CCSER1: variants seen among roughly 807,000 people sequenced by gnomAD.
CCSER1 encodes the protein coiled-coil serine rich protein 1.
A neutral mutation model predicts 82.0 loss-of-function variants in CCSER1; 41 were observed. The ratio of observed to expected loss-of-function variants is 0.50; its 90% CI spans 0.39 to 0.65. The LOEUF is 0.65. Ranked by LOEUF, CCSER1 falls within the 30% of genes least tolerant of loss-of-function variation. CCSER1 has a pLI of 0.00. For synonymous variants in CCSER1, 414 were observed against 383.9 expected, an observed-to-expected ratio of 1.08 and a Z score of -0.92; for missense variants, 1,119 against 1,064.2, an observed-to-expected ratio of 1.05 and a Z score of -0.72.
intron 3 of CCSER1, among the ~76,000 whole-genome samples, chr4:90,371,535 A>G (rs1747411768): frequency 7.5e-6 from 1 of 133,810 alleles, no homozygotes; most frequent in African/African-American, 3.0e-5. Context: ...TAAGACTAGT[A>G]ATAAGCCAAA....
intron 7 of CCSER1, among the ~76,000 whole-genome samples, chr4:90,742,745 C>G (rs1746750242): frequency 6.6e-6 from 1 of 152,134 alleles, no homozygotes; most frequent in Admixed American, 6.5e-5. Flanking sequence ...TTGGAAATGA[C>G]TGTTTTCCTT....
intron 10 of CCSER1, among the ~76,000 whole-genome samples, chr4:91,424,892 G>A (rs1753885094): frequency 6.6e-6 from 1 of 151,962 alleles, no homozygotes. Context: ...TTATATGTGT[G>A]GTTGTGATTA....
At chr4:90,605,052 C>T (rs1344546745) in intron 5 of CCSER1, among the ~76,000 whole-genome samples, 1 of 152,168 alleles carries the variant, frequency 6.6e-6, no homozygotes, top group East Asian at 1.9e-4. Flanking sequence ...GTAAATGTTG[C>T]TGCTGCTGAC....
At chr4:90,460,324 C>CAAAAAAAAAAAAAA (rs751331396) in intron 4 of CCSER1, among the ~76,000 whole-genome samples, 3 of 32,646 alleles carry the variant, frequency 9.2e-5, no homozygotes, top group African/African-American at 1.5e-4. Context: ...AACTCCGTCT[C>CAAAAAAAAAAAAAA]AAAAAAAAAA....
intron 7 of CCSER1, among the ~76,000 whole-genome samples, chr4:90,777,916 A>G (rs1753155673): frequency 2.0e-5 from 3 of 152,200 alleles, no homozygotes; most frequent in Non-Finnish European, 4.4e-5. Context: ...ACTCAGGGCA[A>G]TTTTAAGGGC....
intron 5 of CCSER1, among the ~76,000 whole-genome samples, chr4:90,610,181 A>T (rs1785264361): frequency 6.6e-6 from 1 of 152,034 alleles, no homozygotes; most frequent in Admixed American, 6.6e-5. Context: ...TGAACCCAGG[A>T]GGCGGAGCTT....
chr4:90,498,499 A>T (rs953867031), intron 5 of CCSER1, among the ~76,000 whole-genome samples: 1 of 152,174 alleles, frequency 6.6e-6, no homozygotes, highest in Non-Finnish European at 1.5e-5. Context: ...CATTTTGATA[A>T]AGTTTAAGTT....
chr4:90,880,187 C>A (rs1721084456), intron 8 of CCSER1, among the ~76,000 whole-genome samples: 2 of 152,126 alleles, frequency 1.3e-5, no homozygotes, highest in Admixed American at 1.3e-4. Flanking sequence ...GGTGGCTTGG[C>A]ACTCCTGGGC....
intron 10 of CCSER1, among the ~76,000 whole-genome samples, chr4:91,379,229 C>G (rs1177730898): frequency 1.3e-5 from 2 of 152,082 alleles, no homozygotes; most frequent in Non-Finnish European, 2.9e-5. Flanking sequence ...TGTTGTGTCT[C>G]TGTCAGGCTT....
At chr4:90,151,766 A>ATTTAT (rs1403706099) in intron 1 of CCSER1, among the ~76,000 whole-genome samples, 1 of 152,152 alleles carries the variant, frequency 6.6e-6, no homozygotes, top group Non-Finnish European at 1.5e-5. Flanking sequence ...GTTATTTAGT[A>ATTTAT]TTAAACAATT....
intron 7 of CCSER1, among the ~76,000 whole-genome samples, chr4:90,814,470 T>G (rs543324714): frequency 6.6e-6 from 1 of 152,236 alleles, no homozygotes; most frequent in East Asian, 1.9e-4. Context: ...AGAAAATGGG[T>G]TTTTCTTTTC....
chr4:91,442,446 C>T (rs1755238354), intron 10 of CCSER1, among the ~76,000 whole-genome samples: 1 of 142,126 alleles, frequency 7.0e-6, no homozygotes, highest in Non-Finnish European at 1.5e-5. Context: ...TGGATGCCTT[C>T]CTTACACCTT....
At position 90,324,271 on chromosome 4, in the gene CCSER1, C is replaced by T. The variant is rs537513968; in HGVS notation, c.1509+11224C>T. ...CTGACTTCCACAATGGTTGAACTAG[C>T]TTACAGTCCCACCAACAGTGTCAAA... On this transcript the variant is annotated intron_variant, in intron 3 of 10. Coordinates refer to ENST00000509176, the MANE Select transcript of CCSER1 (RefSeq NM_001145065.2). 4.5e-4 allele frequency among the ~76,000 whole-genome samples: 68 copies of T among 152,134 alleles called. 1 individual carries two copies. The highest frequency in any genetic ancestry group is 1.2e-3 in the African/African-American group (48 of 41,488).
chr4:90,883,782 A>G (rs1171507051), intron 8 of CCSER1, among the ~76,000 whole-genome samples: 1 of 152,162 alleles, frequency 6.6e-6, no homozygotes, highest in Non-Finnish European at 1.5e-5. Context: ...CAGATGGAAT[A>G]TATCTGAAGG....
chr4:90,247,416 A>G (rs1454676150), intron 1 of CCSER1, among the ~76,000 whole-genome samples: 2 of 152,198 alleles, frequency 1.3e-5, no homozygotes, highest in Non-Finnish European at 2.9e-5. Context: ...GATAGAAAAT[A>G]TAACAAGAAA....
chr4:90,160,460 A>T (rs1560717321), intron 1 of CCSER1, among the ~76,000 whole-genome samples: 1 of 152,206 alleles, frequency 6.6e-6, no homozygotes, highest in Non-Finnish European at 1.5e-5. Context: ...AGGAGATTTC[A>T]GTGACAAAGA....
rs568671371 is a variant in CCSER1 at position 90,288,916 on chromosome 4, G to A, written c.-41-19328G>A. Among the ~76,000 whole-genome samples the A allele has an allele frequency of 2.6e-5, 4 of 152,004 alleles. No individual in the cohort carries two copies. The South Asian group carries it at 8.3e-4, about 32-fold the overall frequency. On this transcript the variant is annotated intron_variant, in intron 1 of 10. Transcript: ENST00000509176. ...TAAAAACCTCTAGTGTATCAACCAA[G>A]GGATAAATTACTCAGGGAGTCTTTT...
intron 5 of CCSER1, among the ~76,000 whole-genome samples, chr4:90,492,414 CT>C (rs1768191848): frequency 6.6e-6 from 1 of 152,068 alleles, no homozygotes; most frequent in African/African-American, 2.4e-5. Context: ...CTCTTTTCTT[CT>C]TTATTAGTCT....
intron 10 of CCSER1, among the ~76,000 whole-genome samples, chr4:91,324,296 G>A (rs1275693438): frequency 6.6e-6 from 1 of 151,910 alleles, no homozygotes; most frequent in African/African-American, 2.4e-5. Flanking sequence ...TCAGTCTTTC[G>A]GGTCTATTTT....
Sources: allele counts gnomAD v4.1 joint callset (sites outside exome capture counted in the v4.1 genomes callset), GRCh38; gene constraint gnomAD v4.1.1; transcripts MANE v1.5; gene names NCBI Gene and HGNC (gene_info 2026-07-23, HGNC 2026-07-21).